The following ADGRL2 variants were observed in gnomAD, a reference collection of about 807,000 sequenced individuals.
ADGRL2 encodes calcium-independent alpha-latrotoxin receptor 2.
Under a neutral mutation model 157.4 loss-of-function variants are expected in ADGRL2, and 44 were observed. The ratio of observed to expected loss-of-function variants is 0.28; its 90% CI spans 0.22 to 0.36. ADGRL2 has a LOEUF of 0.36. Ranked by LOEUF, ADGRL2 falls within the 10% of genes least tolerant of loss-of-function variation. The probability of loss-of-function intolerance (pLI) is 1.00; values close to 1 mark genes in which losing one functional copy is unlikely to be tolerated. For synonymous variants in ADGRL2, 585 were observed against 624.7 expected (o/e 0.94, Z 0.95); for missense variants, 1,510 against 1,768.9 (o/e 0.85, Z 2.63).
chr1:81,654,600 G>A (rs2082491519), intron 3 of ADGRL2, among the ~76,000 whole-genome samples: 1 of 152,164 alleles, frequency 6.6e-6, no homozygotes, highest in African/African-American at 2.4e-5. Context: ...CTGCTCCTAG[G>A]TATTCAAGAG....
At chr1:81,358,216 G>C (rs1663457217) in intron 1 of ADGRL2, among the ~76,000 whole-genome samples, 1 of 152,188 alleles carries the variant, frequency 6.6e-6, no homozygotes, top group African/African-American at 2.4e-5. Context: ...GTGTGACAGA[G>C]GGTGAATTTC....
At chr1:81,583,290 T>C (rs1005585681) in intron 3 of ADGRL2, among the ~76,000 whole-genome samples, 8 of 152,196 alleles carry the variant, frequency 5.3e-5, no homozygotes, top group Admixed American at 4.6e-4. Context: ...ACCTGAAAGG[T>C]TATTTTGTTC....
At chr1:81,577,024 C>T (rs1252120067) in intron 2 of ADGRL2, among the ~76,000 whole-genome samples, 2 of 152,136 alleles carry the variant, frequency 1.3e-5, no homozygotes, top group Admixed American at 1.3e-4. Context: ...CTTTCAGAAG[C>T]TCCTGAGAAT....
intron 2 of ADGRL2, among the ~76,000 whole-genome samples, chr1:81,543,393 C>A (rs1427575531): frequency 2.0e-5 from 3 of 152,196 alleles, no homozygotes; most frequent in African/African-American, 7.2e-5. Flanking sequence ...TTGCCAGACA[C>A]CAGATCTGCT....
At chr1:81,385,012 C>T (rs1053534764) in intron 1 of ADGRL2, among the ~76,000 whole-genome samples, 4 of 152,132 alleles carry the variant, frequency 2.6e-5, no homozygotes, top group African/African-American at 9.7e-5. Context: ...AGTTGTCCAA[C>T]CAGATATCAA....
intron 3 of ADGRL2, among the ~76,000 whole-genome samples, chr1:81,621,070 A>G (rs1047873230): frequency 2.0e-5 from 3 of 152,074 alleles, no homozygotes; most frequent in East Asian, 1.9e-4. Flanking sequence ...TGCTTTTGCT[A>G]TATATGTGGC....
intron 3 of ADGRL2, among the ~76,000 whole-genome samples, chr1:81,636,586 GGGAGCTT>G (rs1469579748): frequency 6.6e-6 from 1 of 151,820 alleles, no homozygotes; most frequent in African/African-American, 2.4e-5. Context: ...CCATGTTCTC[GGGAGCTT>G]TAAAGCCATT....
At chr1:81,738,525 T>C (rs920251130) in intron 1 of ADGRL2, among the ~76,000 whole-genome samples, 10 of 152,186 alleles carry the variant, frequency 6.6e-5, no homozygotes, top group African/African-American at 2.4e-4. Flanking sequence ...TGTCATGATA[T>C]CATAGTGTTT....
intron 2 of ADGRL2, among the ~76,000 whole-genome samples, chr1:81,450,430 G>A (rs2077681845): frequency 1.3e-5 from 2 of 151,946 alleles, no homozygotes. Flanking sequence ...AGAAAGTATT[G>A]GCCCCAGTCT....
intron 17 of ADGRL2, among the ~76,000 whole-genome samples, chr1:81,973,953 A>ATC (rs1247738778): frequency 1.3e-5 from 2 of 152,092 alleles, no homozygotes; most frequent in East Asian, 1.9e-4. Context: ...ATATATATAT[A>ATC]TCTTCCCTCT....
At chr1:81,428,062 C>T (rs1387849924) in intron 1 of ADGRL2, among the ~76,000 whole-genome samples, 2 of 152,084 alleles carry the variant, frequency 1.3e-5, no homozygotes, top group East Asian at 1.9e-4. Flanking sequence ...GAAGGTGTTT[C>T]CTTGTGAGTT....
At chr1:81,671,814 T>C (rs1017573279) in intron 3 of ADGRL2, among the ~76,000 whole-genome samples, 1 of 152,244 alleles carries the variant, frequency 6.6e-6, no homozygotes, top group Non-Finnish European at 1.5e-5. Context: ...CGCCCAGCCC[T>C]GAGATTCTGA....
chr1:81,453,091 A>G (rs576580610), intron 2 of ADGRL2, among the ~76,000 whole-genome samples: 1 of 152,318 alleles, frequency 6.6e-6, no homozygotes, highest in African/African-American at 2.4e-5. Context: ...AAATTAAGTA[A>G]AACTGCGAAG....
At chr1:81,716,576 G>A (rs2084125111) in intron 1 of ADGRL2, among the ~76,000 whole-genome samples, 1 of 152,060 alleles carries the variant, frequency 6.6e-6, no homozygotes, top group African/African-American at 2.4e-5. Context: ...CACTTTTGGA[G>A]AAAAATCTCT....
At chr1:81,408,313 G>T (rs1163029277) in intron 1 of ADGRL2, among the ~76,000 whole-genome samples, 1 of 123,806 alleles carries the variant, frequency 8.1e-6, no homozygotes, top group Non-Finnish European at 1.7e-5. Flanking sequence ...AACACAGAAT[G>T]CTCATTTTTT....
intron 1 of ADGRL2, among the ~76,000 whole-genome samples, chr1:81,825,626 T>G (rs2091405962): frequency 7.5e-6 from 1 of 132,776 alleles, no homozygotes; most frequent in South Asian, 2.4e-4. Context: ...ATTACAGGCA[T>G]GAGTCACCGC....
intron 1 of ADGRL2, among the ~76,000 whole-genome samples, chr1:81,826,687 G>A (rs546994523): frequency 5.5e-4 from 84 of 152,212 alleles, no homozygotes; most frequent in Admixed American, 9.8e-4. Context: ...GAAGGGTGAA[G>A]GCACCATTTA....
In ADGRL2 at chr1:81,967,362, C is replaced by T. The variant is rs535704823; in HGVS notation, c.2350-664C>T. ...CTGCCAGCTCCACCTCCCGGGTTCA[C>T]GCCATTCTCCTGCCTCAGCCTCCCG... On this transcript the variant is annotated intron_variant, in intron 13 of 23. Transcript: ENST00000686636. 1.8e-3 allele frequency among the ~76,000 whole-genome samples: 270 copies of T among 151,820 alleles called. 1 individual carries two copies. Among genetic ancestry groups the T allele is most frequent in the African/African-American group, 6.3e-3 (262 of 41,398 alleles).
intron 3 of ADGRL2, among the ~76,000 whole-genome samples, chr1:81,665,195 G>C (rs933373711): frequency 3.3e-5 from 5 of 152,092 alleles, no homozygotes; most frequent in African/African-American, 1.2e-4. Context: ...AATTAGTAGA[G>C]TTTGCCAAGT....
Sources: allele counts gnomAD v4.1 joint callset (sites outside exome capture counted in the v4.1 genomes callset), GRCh38; gene constraint gnomAD v4.1.1; transcripts MANE v1.5; gene names NCBI Gene and HGNC (gene_info 2026-07-23, HGNC 2026-07-21).